Variants in MED16 observed in about 807,000 individuals in gnomAD.
MED16 encodes mediator of RNA polymerase II transcription subunit 16.
A neutral mutation model predicts 84.4 loss-of-function variants in MED16; 81 were observed. The observed-to-expected ratio is 0.96, with a 90% CI of 0.80 to 1.15. MED16 has a LOEUF of 1.15. Among genes scored for constraint, MED16 ranks in the 50% most tolerant of loss-of-function variants. The probability of loss-of-function intolerance (pLI) is 0.00; values close to 1 mark genes in which losing one functional copy is unlikely to be tolerated. For missense variants in MED16, 1,585 were observed against 1,245.9 expected (o/e 1.27, Z -4.10); for synonymous variants, 897 against 552.2 (o/e 1.62, Z -8.76).
chr19:868,935 T>C lies in MED16; in HGVS notation c.2327A>G (p.Gln776Arg), dbSNP rs1236991939. The C allele has an allele frequency of 1.9e-6, 3 of 1,542,076 alleles. No individual in the cohort carries two copies. Among genetic ancestry groups the C allele is most frequent in the Non-Finnish European group, 2.6e-6 (3 of 1,150,566 alleles). ...CCTCCGCAGGTGGTCGATCTTGGGC[T>C]GGCCTGGGGCCCTGGCGGGAGAGGG... is the stretch of plus-strand genomic sequence containing the variant. ...QLDGLARAPG[Q>R]PKIDHLRRLH... The change falls in exon 14 of 16, where the codon CAG becomes CGG. Residue 776 changes from glutamine to arginine, a missense_variant. Coordinates refer to ENST00000325464, the MANE Select transcript of MED16 (RefSeq NM_005481.3).
At position 871,696 on chromosome 19, in the gene MED16, T is replaced by A. The variant is rs544161482; in HGVS notation, c.2098+230A>T. On this transcript the variant is annotated intron_variant, in intron 12 of 15. Transcript: ENST00000325464. ...ATAGCAGATATCAAGGCAGAGCCAC[T>A]GCCACCTGCAGGGGCTTATGTTCTG... is the stretch of plus-strand genomic sequence containing the variant. 20 of 1,435,976 alleles carry A rather than the reference T, an allele frequency of 1.4e-5. No individual in the cohort carries two copies. In the South Asian group the frequency reaches 1.6e-4, roughly 11 times the overall value. The allele number at this position is 1,435,976 out of a possible 1,614,324, so 89.0% of individuals were successfully genotyped here.
intron 14 of MED16, 40 bp downstream of exon 14, chr19:868,823 G>T (rs201103755): frequency 3.3e-6 from 5 of 1,533,872 alleles, no homozygotes; most frequent in African/African-American, 2.7e-5. Context: ...CATCCCCAGC[G>T]GCACATCTCT....
intron 12 of MED16, chr19:871,641 G>C (rs766668208): frequency 1.9e-6 from 3 of 1,594,508 alleles, no homozygotes; most frequent in South Asian, 1.1e-5. Flanking sequence ...CACCCACACA[G>C]AGCATGGACC....
chr19:889,988 G>C (rs968183102), intron 3 of MED16, 149 bp downstream of exon 3: 15 of 822,850 alleles, frequency 1.8e-5, no homozygotes, highest in Non-Finnish European at 2.4e-5. Flanking sequence ...AGAATGATTC[G>C]GGCCACTATG....
At chr19:871,565 A>C in intron 12 of MED16, 1 of 1,593,726 alleles carries the variant, frequency 6.3e-7, no homozygotes, top group African/African-American at 1.3e-5. Context: ...CACCCTCCTC[A>C]CATACACACA....
intron 13 of MED16, 37 bp downstream of exon 13, chr19:871,000 G>C: frequency 6.6e-7 from 1 of 1,513,890 alleles, no homozygotes; most frequent in Non-Finnish European, 8.9e-7. Context: ...GGAGGAAGGA[G>C]TCCTGTGTTT....
chr19:871,953 G>C lies in MED16; in HGVS notation c.2071C>G (p.Arg691Gly), dbSNP rs148428449. 2.5e-6 allele frequency: 4 copies of C among 1,603,846 alleles called. No individual in the cohort carries two copies. The highest frequency in any genetic ancestry group is 1.1e-5 in the South Asian group (1 of 90,602). ...CAGATCCAGAGCTTGGTGAGCAGGC[G>C]GAAGAGCAGGGACATGCTGTCCTGG... is the stretch of plus-strand genomic sequence containing the variant. ...DTQDSMSLLF[R>G]LLTKLWICCR... is the part of the protein sequence containing the mutation. Residue 691 changes from arginine to glycine, a missense_variant, in exon 12 of 16, where the codon CGC (arginine) becomes GGC (glycine). Arg to Gly is a moderately radical substitution (Grantham distance 125). Coordinates refer to ENST00000325464, the MANE Select transcript of MED16 (RefSeq NM_005481.3).
chr19:883,261 G>A (rs932297873), intron 6 of MED16, among the ~76,000 whole-genome samples: 12 of 151,674 alleles, frequency 7.9e-5, no homozygotes, highest in Admixed American at 7.2e-4. Context: ...GGGGCGGTGC[G>A]TGAAGAGCTG....
intron 2 of MED16, 182 bp from the exon 3 acceptor site, chr19:890,426 G>C: frequency 2.0e-6 from 1 of 507,142 alleles, no homozygotes; most frequent in South Asian, 3.2e-5. Flanking sequence ...GAGCAGGCCT[G>C]TGAGGCGCCA....
chr19:884,919 C>A lies in MED16; in HGVS notation c.969G>T (p.Gln323His). ...KEGLPVNNIF[Q>H]QISPVVGDKQ... is the part of the protein sequence containing the mutation. Reference sequence around the variant, plus strand: ...GAGACTCACCCACGGGGGAGATCTGCTGGAAGATGTTGTTCACGGGGAGTC... The same window carrying A: ...GAGACTCACCCACGGGGGAGATCTGATGGAAGATGTTGTTCACGGGGAGTC... Residue 323 changes from glutamine (Q) to histidine (H), a missense_variant, in exon 6 of 16, where the codon CAG (glutamine) becomes CAT (histidine). Coordinates refer to ENST00000325464, the MANE Select transcript of MED16 (RefSeq NM_005481.3). 1 of 1,608,808 alleles carries A rather than the reference C, an allele frequency of 6.2e-7. No homozygotes were observed. Among genetic ancestry groups the A allele is most frequent in the Non-Finnish European group, 8.5e-7 (1 of 1,179,016 alleles).
Position 877,198 on chromosome 19 carries a change from C to G in MED16, c.1354-18G>C. Reference sequence around the variant, plus strand: ...ACGCTCAGCTGCCAGAGACAGAGCCCAAGGAGAGCCCGGTGAGATGGGGCT... The same window carrying G: ...ACGCTCAGCTGCCAGAGACAGAGCCGAAGGAGAGCCCGGTGAGATGGGGCT... On this transcript the variant is annotated intron_variant, in intron 8 of 15. Transcript: ENST00000325464. 6.3e-7 allele frequency: 1 copy of G among 1,597,066 alleles called. No individual in the cohort carries two copies. Among genetic ancestry groups the G allele is most frequent in the Non-Finnish European group, 8.5e-7 (1 of 1,174,288 alleles).
intron 8 of MED16, among the ~76,000 whole-genome samples, chr19:877,508 G>A (rs1007014699): frequency 6.5e-5 from 9 of 137,924 alleles, no homozygotes; most frequent in African/African-American, 9.1e-5. Context: ...CTCCTAATAC[G>A]TGCTGTGAGC....
intron 3 of MED16, 101 bp from the exon 4 acceptor site, chr19:889,908 T>G (rs943488052): frequency 7.8e-6 from 11 of 1,405,324 alleles, no homozygotes; most frequent in Non-Finnish European, 1.0e-5. Flanking sequence ...AGTGGAGAGG[T>G]CTCGGCCCAG....
In MED16 at chr19:879,964, G is replaced by A. The variant is rs779404264; in HGVS notation, c.1326C>T (p.Ala442=). Residue 442 remains alanine, a synonymous_variant, in exon 8 of 16, where the codon GCC becomes GCT. Coordinates refer to ENST00000325464, the MANE Select transcript of MED16 (RefSeq NM_005481.3). The part of the protein sequence containing the change: ...KAMQLSWTSL[A]LVGIDSHGKL... ...TCCCGTGGCTGTCAATCCCCACCAG[G>A]GCCAGTGACGTCCACGATAGCTGCA... is the stretch of plus-strand genomic sequence containing the variant. 2 of 1,586,302 alleles carry A rather than the reference G, an allele frequency of 1.3e-6. No individual in the cohort carries two copies. The highest frequency in any genetic ancestry group is 1.4e-5 in the African/African-American group (1 of 72,288).
At position 883,420 on chromosome 19, in the gene MED16, G is replaced by A. The variant is rs1769881469; in HGVS notation, c.985+1483C>T. Among the ~76,000 whole-genome samples the A allele has an allele frequency of 1.3e-5, 2 of 148,228 alleles. 1 individual carries two copies. The highest frequency in any genetic ancestry group is 3.0e-5 in the Non-Finnish European group (2 of 66,886). Reference sequence around the variant, plus strand: ...GGCGGGGACCGAAGCCTGGCACGGTGGGCACGTGGGGCGGTGCGTGAAGAG... The same window carrying A: ...GGCGGGGACCGAAGCCTGGCACGGTAGGCACGTGGGGCGGTGCGTGAAGAG... On this transcript the variant is annotated intron_variant, in intron 6 of 15. Transcript: ENST00000325464.
intron 13 of MED16, among the ~76,000 whole-genome samples, chr19:869,619 A>G (rs1276087874): frequency 1.3e-5 from 2 of 152,092 alleles, no homozygotes; most frequent in Non-Finnish European, 2.9e-5. Flanking sequence ...TGGAGGTCCT[A>G]GAGCCAAGCC....
chr19:870,734 G>C (rs1182373037), intron 13 of MED16, among the ~76,000 whole-genome samples: 1 of 151,642 alleles, frequency 6.6e-6, no homozygotes, highest in Non-Finnish European at 1.5e-5. Context: ...GAGCCGTATG[G>C]ATTCGGGGGG....
intron 1 of MED16, 41 bp from the exon 2 acceptor site, chr19:891,190 G>C (rs80331571): frequency 1.3e-6 from 2 of 1,553,158 alleles, no homozygotes; most frequent in African/African-American, 1.4e-5. Context: ...TGTTGGCTGA[G>C]CACCCAGGGC....
In MED16 at chr19:885,898, C is replaced by T. The variant is rs1433613466; in HGVS notation, c.751G>A (p.Glu251Lys). ...FYKVCVSVVSEKCRIDTEILP... is the reference protein window; with the variant it reads ...FYKVCVSVVSKKCRIDTEILP... ...ATCTCCGTGTCGATACGGCACTTCT[C>T]GCTCACCACGCTCACGCACACCTTG... is the stretch of plus-strand genomic sequence containing the variant. The change falls in exon 5 of 16, where the codon GAG (glutamate) becomes AAG (lysine). Residue 251 changes from glutamate to lysine, a missense_variant. Coordinates refer to ENST00000325464, the MANE Select transcript of MED16 (RefSeq NM_005481.3). 7 of 1,613,618 alleles carry T rather than the reference C, an allele frequency of 4.3e-6. No homozygotes were observed. The highest frequency in any genetic ancestry group is 5.9e-6 in the Non-Finnish European group (7 of 1,179,958).
Sources: allele counts gnomAD v4.1 joint callset (sites outside exome capture counted in the v4.1 genomes callset), GRCh38; gene constraint gnomAD v4.1.1; transcripts MANE v1.5; gene names NCBI Gene and HGNC (gene_info 2026-07-23, HGNC 2026-07-21).